The following SORBS2 variants were observed in gnomAD, a reference collection of about 807,000 sequenced individuals.
SORBS2 encodes sorbin and SH3 domain containing 2, also known as sorbin and SH3 domain-containing protein 2.
In SORBS2, 46 loss-of-function variants were observed where a neutral mutation model predicts 97.7. The ratio of observed to expected loss-of-function variants is 0.47; its 90% CI spans 0.37 to 0.60. The LOEUF is 0.60. Among genes scored for constraint, SORBS2 ranks in the 20% least tolerant of loss-of-function variants. The pLI, the probability that SORBS2 is intolerant of heterozygous loss-of-function variation, is 0.00. For synonymous variants in SORBS2, 476 were observed against 473.4 expected (o/e 1.01, Z -0.07); for missense variants, 1,316 against 1,282.3 (o/e 1.03, Z -0.40).
chr4:185,882,311 T>C (rs1213393266), intron 1 of SORBS2, among the ~76,000 whole-genome samples: 2 of 152,144 alleles, frequency 1.3e-5, no homozygotes, highest in African/African-American at 4.8e-5. Context: ...CAATGAATAA[T>C]AGGAACTTTA....
chr4:185,611,648 G>A (rs1291955883), intron 12 of SORBS2, 132 bp downstream of exon 24: 1 of 666,700 alleles, frequency 1.5e-6, no homozygotes, highest in African/African-American at 1.8e-5. Context: ...ACTCACACAT[G>A]TAGAAACATA....
intron 12 of SORBS2, among the ~76,000 whole-genome samples, chr4:185,595,257 T>C (rs1205676249): frequency 2.6e-5 from 4 of 152,186 alleles, no homozygotes; most frequent in Non-Finnish European, 5.9e-5. Flanking sequence ...AGTCTGTGGA[T>C]AGAATATTTA....
chr4:185,666,034 G>A (rs543953057), intron 4 of SORBS2: 65 of 1,289,550 alleles, frequency 5.0e-5, no homozygotes, highest in Admixed American at 3.4e-4. Context: ...CACACCATCG[G>A]GGGGCGGAAG....
At chr4:185,886,568 A>AAAG (rs2099239712) in intron 1 of SORBS2, among the ~76,000 whole-genome samples, 1 of 145,954 alleles carries the variant, frequency 6.9e-6, no homozygotes, top group Non-Finnish European at 1.5e-5. Flanking sequence ...AAAAAAAAAA[A>AAAG]AAAAAGAAAA....
chr4:185,658,313 C>G (rs750936065), upstream of SORBS2, among the ~76,000 whole-genome samples: 3 of 152,092 alleles, frequency 2.0e-5, no homozygotes, highest in Non-Finnish European at 4.4e-5. Flanking sequence ...TGAGGCTTAT[C>G]GAGTTCTTCA....
intron 2 of SORBS2, among the ~76,000 whole-genome samples, chr4:185,760,312 T>C (rs2098869286): frequency 6.6e-6 from 1 of 152,196 alleles, no homozygotes; most frequent in Admixed American, 6.5e-5. Context: ...CTGTAATCCC[T>C]GCACTTTGGG....
chr4:185,804,953 A>C (rs914211524), intron 1 of SORBS2, among the ~76,000 whole-genome samples: 4 of 152,068 alleles, frequency 2.6e-5, no homozygotes, highest in Non-Finnish European at 5.9e-5. Context: ...TAAAGCCTTA[A>C]AATGAAGATC....
chr4:185,938,957 A>G (rs984723824), intron 1 of SORBS2, among the ~76,000 whole-genome samples: 3 of 152,346 alleles, frequency 2.0e-5, no homozygotes, highest in African/African-American at 7.2e-5. Flanking sequence ...TTTTAAAGAC[A>G]TCACTACGCG....
chr4:185,691,802 T>C (rs927089302), intron 2 of SORBS2, among the ~76,000 whole-genome samples: 1 of 152,066 alleles, frequency 6.6e-6, no homozygotes, highest in Admixed American at 6.6e-5. Flanking sequence ...TGGAGTGCAG[T>C]GGTGCGATCT....
intron 4 of SORBS2, among the ~76,000 whole-genome samples, chr4:185,642,402 T>TA (rs983357339): frequency 1.1e-4 from 17 of 151,478 alleles, no homozygotes; most frequent in African/African-American, 3.9e-4. Flanking sequence ...AATGCTTTAT[T>TA]AATTTTTTTT....
At chr4:185,725,891 C>A (rs958297850) in intron 2 of SORBS2, among the ~76,000 whole-genome samples, 1 of 152,174 alleles carries the variant, frequency 6.6e-6, no homozygotes. Flanking sequence ...ACAACATGAT[C>A]CTAACCTAAT....
intron 2 of SORBS2, among the ~76,000 whole-genome samples, chr4:185,767,294 C>G (rs917069560): frequency 6.9e-6 from 1 of 145,210 alleles, no homozygotes; most frequent in Admixed American, 7.2e-5. Flanking sequence ...GTCAGGAGAT[C>G]GAGACCAGCC....
Position 185,822,969 on chromosome 4 carries a change from C to G in SORBS2, c.-337-47603G>C, listed in dbSNP as rs539153323. Among the ~76,000 whole-genome samples the G allele has an allele frequency of 3.9e-5, 6 of 152,324 alleles. No individual in the cohort carries two copies. In the East Asian group the frequency reaches 1.2e-3, roughly 29 times the overall value. Reference sequence around the variant, plus strand: ...GCTGAAAGCTGAGTCATGCAGGAAGCTGCCTTTCCTTTTTGTTCCTAAGCA... The same window carrying G: ...GCTGAAAGCTGAGTCATGCAGGAAGGTGCCTTTCCTTTTTGTTCCTAAGCA... On this transcript the variant is annotated intron_variant, in intron 1 of 20. Transcript: ENST00000284776.
chr4:185,834,717 T>G (rs1561219073), intron 1 of SORBS2, among the ~76,000 whole-genome samples: 2 of 152,214 alleles, frequency 1.3e-5, no homozygotes, highest in African/African-American at 2.4e-5. Flanking sequence ...GATTTTTAAT[T>G]AATATTATAG....
At chr4:185,771,154 AT>A (rs35731107) in intron 2 of SORBS2, 93,314 of 138,738 alleles carry the variant, frequency 0.67, 31,498 homozygotes, top group African/African-American at 0.76. Context: ...CTAATTTTGC[AT>A]TTTTTTTTTT....
At chr4:185,755,786 C>T (rs2098827318) in intron 2 of SORBS2, among the ~76,000 whole-genome samples, 1 of 152,188 alleles carries the variant, frequency 6.6e-6, no homozygotes, top group Admixed American at 6.5e-5. Context: ...TTCCCTTTAA[C>T]TATACATAAG....
intron 1 of SORBS2, among the ~76,000 whole-genome samples, chr4:185,888,413 G>C (rs2099240780): frequency 6.6e-6 from 1 of 152,180 alleles, no homozygotes; most frequent in Non-Finnish European, 1.5e-5. Context: ...GCCAAGGCAT[G>C]CTGGTAGCCA....
At chr4:185,699,978 G>A (rs564971793) in intron 2 of SORBS2, among the ~76,000 whole-genome samples, 24 of 152,236 alleles carry the variant, frequency 1.6e-4, no homozygotes, top group African/African-American at 4.6e-4. Flanking sequence ...ACCCTGTTCC[G>A]ACTGTGTCTG....
At chr4:185,652,436 G>A (rs565378853) in intron 2 of SORBS2, among the ~76,000 whole-genome samples, 1 of 152,272 alleles carries the variant, frequency 6.6e-6, no homozygotes, top group South Asian at 2.1e-4. Flanking sequence ...AGAGTGCCTG[G>A]TTGTCCTCCA....
Sources: gnomAD v4.1 joint callset for allele counts (sites outside exome capture counted in the v4.1 genomes callset) on GRCh38, gnomAD v4.1.1 for gene constraint, MANE v1.5 for transcripts, NCBI Gene and HGNC (gene_info 2026-07-23, HGNC 2026-07-21) for gene names.